DLGAP1: variants seen among roughly 807,000 people sequenced by gnomAD.
DLGAP1 encodes the protein disks large-associated protein 1.
A neutral mutation model predicts 90.8 loss-of-function variants in DLGAP1; 11 were observed. That is an observed-to-expected ratio of 0.12 (90% confidence interval 0.08 to 0.20). The LOEUF (loss-of-function observed/expected upper bound fraction) is 0.20, where lower values mean the gene tolerates loss of function less well. Ranked by LOEUF, DLGAP1 falls within the 10% of genes least tolerant of loss-of-function variation. DLGAP1 has a pLI of 1.00. For missense variants in DLGAP1, 1,050 were observed against 1,333.8 expected (o/e 0.79, Z 3.31); for synonymous variants, 558 against 540.7 (o/e 1.03, Z -0.44).
intron 4 of DLGAP1, among the ~76,000 whole-genome samples, chr18:3,817,524 C>G (rs1220409638): frequency 6.6e-6 from 1 of 152,066 alleles, no homozygotes; most frequent in African/African-American, 2.4e-5. Context: ...GTAATCCGTT[C>G]TAGGGAAAGT....
At chr18:4,068,429 T>A (rs8092728) in intron 2 of DLGAP1, among the ~76,000 whole-genome samples, 1 of 151,056 alleles carries the variant, frequency 6.6e-6, no homozygotes, top group Non-Finnish European at 1.5e-5. Context: ...TAATGTCATA[T>A]ATTTTTCCAT....
chr18:3,505,083 A>G (rs364827), intron 11 of DLGAP1, among the ~76,000 whole-genome samples: 142,028 of 152,160 alleles, frequency 0.93, 66,970 homozygotes, highest in Non-Finnish European at 1. Context: ...CAAGAAAGGA[A>G]GCTGGGTCTG....
intron 9 of DLGAP1, among the ~76,000 whole-genome samples, chr18:3,538,761 T>C (rs1324692164): frequency 1.3e-5 from 2 of 152,220 alleles, no homozygotes; most frequent in African/African-American, 4.8e-5. Flanking sequence ...TCCCTCATTG[T>C]TTTCAATCAG....
chr18:4,063,018 C>T (rs1444151607), intron 2 of DLGAP1, among the ~76,000 whole-genome samples: 1 of 152,074 alleles, frequency 6.6e-6, no homozygotes, highest in African/African-American at 2.4e-5. Flanking sequence ...TTGAAAACAT[C>T]ATCCAGGTGT....
chr18:3,504,655 T>C (rs990397674), intron 11 of DLGAP1, among the ~76,000 whole-genome samples: 13 of 152,160 alleles, frequency 8.5e-5, no homozygotes, highest in African/African-American at 3.1e-4. Flanking sequence ...AGTGCTGGGA[T>C]TACAGGTACA....
intron 5 of DLGAP1, among the ~76,000 whole-genome samples, chr18:3,786,692 A>G (rs1157128865): frequency 1.3e-5 from 2 of 152,178 alleles, no homozygotes; most frequent in Non-Finnish European, 2.9e-5. Flanking sequence ...TTTTAAGTGT[A>G]CCTCAAAAAT....
chr18:3,884,891 C>T (rs2071270299), intron 3 of DLGAP1, among the ~76,000 whole-genome samples: 1 of 152,176 alleles, frequency 6.6e-6, no homozygotes, highest in African/African-American at 2.4e-5. Flanking sequence ...TGGCAATAAA[C>T]ATTTCTAAAT....
rs141293054 is a variant in DLGAP1 at position 4,087,652 on chromosome 18, T to A, written c.-159+63528A>T. Reference sequence around the variant, plus strand: ...ATATTTCTGCATGTGTGTCTTTAATTCCTCTAGTGCCACTGGGTTAGGGTC... The same window carrying A: ...ATATTTCTGCATGTGTGTCTTTAATACCTCTAGTGCCACTGGGTTAGGGTC... On this transcript the variant is annotated intron_variant, in intron 2 of 12. Transcript: ENST00000315677. Among the ~76,000 whole-genome samples, 22 of 152,328 alleles carry A rather than the reference T, an allele frequency of 1.4e-4. No individual in the cohort carries two copies. In the East Asian group the frequency reaches 3.7e-3, roughly 25 times the overall value.
rs536584475 is a variant in DLGAP1, at chr18:3,746,209, T to G, written c.1173-3697A>C. Among the ~76,000 whole-genome samples the G allele has an allele frequency of 8.5e-5, 13 of 152,318 alleles. No homozygotes were observed. In the South Asian group the frequency reaches 2.3e-3, roughly 27 times the overall value. On this transcript the variant is annotated intron_variant, in intron 5 of 12. Coordinates refer to ENST00000315677, the MANE Select transcript of DLGAP1 (RefSeq NM_004746.4). ...CACTTGGGGAAAAATGAATTCCTAC[T>G]AAGCATATAGATGAAAAATAATATT...
At chr18:4,037,556 T>C (rs949364220) in intron 2 of DLGAP1, among the ~76,000 whole-genome samples, 1 of 152,252 alleles carries the variant, frequency 6.6e-6, no homozygotes, top group Admixed American at 6.5e-5. Flanking sequence ...ACTTTCCCTT[T>C]GTTCTGAGCT....
intron 3 of DLGAP1, among the ~76,000 whole-genome samples, chr18:3,888,134 A>G (rs936174943): frequency 1.4e-5 from 2 of 145,804 alleles, no homozygotes; most frequent in Admixed American, 1.4e-4. Flanking sequence ...AAAAAAAAAA[A>G]GAAGTAAACA....
At chr18:3,657,247 G>A (rs1227130330) in intron 7 of DLGAP1, among the ~76,000 whole-genome samples, 1 of 152,200 alleles carries the variant, frequency 6.6e-6, no homozygotes, top group Admixed American at 6.5e-5. Context: ...CTTTCAAACT[G>A]GAGGAGTTTG....
intron 3 of DLGAP1, among the ~76,000 whole-genome samples, chr18:3,894,331 T>C (rs552850530): frequency 2.0e-5 from 3 of 152,346 alleles, no homozygotes; most frequent in African/African-American, 7.2e-5. Flanking sequence ...TCTTCTAGAA[T>C]TTTTATTCTC....
At chr18:3,792,544 CTT>C (rs1474520365) in intron 5 of DLGAP1, among the ~76,000 whole-genome samples, 1 of 152,126 alleles carries the variant, frequency 6.6e-6, no homozygotes, top group African/African-American at 2.4e-5. Flanking sequence ...ACTTTGACCT[CTT>C]ACTTCCCTTC....
intron 1 of DLGAP1, among the ~76,000 whole-genome samples, chr18:4,209,021 G>C (rs2077784117): frequency 6.6e-6 from 1 of 152,202 alleles, no homozygotes; most frequent in Non-Finnish European, 1.5e-5. Flanking sequence ...AACGGTAACT[G>C]TCCTCAGGTG....
At chr18:4,113,930 G>A (rs1215875346) in intron 2 of DLGAP1, among the ~76,000 whole-genome samples, 3 of 151,956 alleles carry the variant, frequency 2.0e-5, no homozygotes, top group African/African-American at 7.3e-5. Context: ...TAGCTCTGTG[G>A]CTCTATTACT....
chr18:4,364,709 GT>G (rs1171786449), intron 1 of DLGAP1, among the ~76,000 whole-genome samples: 1 of 152,024 alleles, frequency 6.6e-6, no homozygotes, highest in African/African-American at 2.4e-5. Context: ...TTTGGGATTT[GT>G]TTGCTCTTGG....
At chr18:4,361,589 A>C (rs1328606454) in intron 1 of DLGAP1, among the ~76,000 whole-genome samples, 1 of 152,246 alleles carries the variant, frequency 6.6e-6, no homozygotes, top group Non-Finnish European at 1.5e-5. Context: ...CTAATGCTAC[A>C]TATAAAAATT....
chr18:4,350,872 G>A (rs2143975109), intron 1 of DLGAP1, among the ~76,000 whole-genome samples: 1 of 152,122 alleles, frequency 6.6e-6, no homozygotes, highest in Non-Finnish European at 1.5e-5. Context: ...TCTAGGTAGA[G>A]GCATGTTATT....
Sources: allele counts gnomAD v4.1 joint callset (sites outside exome capture counted in the v4.1 genomes callset), GRCh38; gene constraint gnomAD v4.1.1; transcripts MANE v1.5; gene names NCBI Gene and HGNC (gene_info 2026-07-23, HGNC 2026-07-21).